ABCG4: variants seen among roughly 807,000 people sequenced by gnomAD.
ABCG4 encodes ATP binding cassette subfamily G member 4, also known as ATP-binding cassette sub-family G member 4.
In ABCG4, 35 loss-of-function variants were observed where a neutral mutation model predicts 64.6. That is an observed-to-expected ratio of 0.54 (90% CI 0.41 to 0.72). The LOEUF (loss-of-function observed/expected upper bound fraction) is 0.72. ABCG4 is among the 30% of genes least tolerant of loss of function. ABCG4 has a pLI of 0.00. For missense variants in ABCG4, 610 were observed against 846.3 expected (o/e 0.72, Z 3.46); for synonymous variants, 326 against 348.2 (o/e 0.94, Z 0.71).
At chr11:119,151,800 C>G (rs772278963) in intron 2 of ABCG4, among the ~76,000 whole-genome samples, 1 of 152,190 alleles carries the variant, frequency 6.6e-6, no homozygotes, top group Non-Finnish European at 1.5e-5. Flanking sequence ...CAGTGTCTCT[C>G]CAGCCCAAGG....
In ABCG4 at chr11:119,158,966, C is replaced by T; in HGVS notation, c.1437+37C>T. On this transcript the variant is annotated intron_variant, in intron 12 of 14. Coordinates refer to ENST00000619701, the MANE Select transcript of ABCG4 (RefSeq NM_022169.5). The surrounding 1 kb of genome is among the most constrained non-coding windows in gnomAD (Gnocchi z 4.5). ...CCTCCCACCTGCCCACTGCCTCCAT[C>T]TTGTCTTGCTCCTTCTATCCTTGCT... 6.3e-7 allele frequency: 1 copy of T among 1,586,428 alleles called. No individual in the cohort carries two copies. Among genetic ancestry groups the T allele is most frequent in the East Asian group, 2.2e-5 (1 of 44,722 alleles).
intron 12 of ABCG4, among the ~76,000 whole-genome samples, chr11:119,159,902 A>G (rs955541870): frequency 1.2e-4 from 18 of 152,000 alleles, no homozygotes; most frequent in Non-Finnish European, 2.6e-4. Context: ...TGGCTCTCCT[A>G]TGGAGAGTTA....
chr11:119,161,249 T>C lies in ABCG4; in HGVS notation c.*143T>C, dbSNP rs1948348153. ...TCCCTTGGCTCCTCCACAGGCTGGCTGTCGGACTGCGCTCCCAGCCTGGGC... is the reference window on the plus strand; with the variant it reads ...TCCCTTGGCTCCTCCACAGGCTGGCCGTCGGACTGCGCTCCCAGCCTGGGC... On this transcript the variant is annotated 3_prime_UTR_variant, in exon 15 of 15. Transcript: ENST00000619701. 1 of 735,694 alleles carries C rather than the reference T, an allele frequency of 1.4e-6. No homozygotes were observed. The highest frequency in any genetic ancestry group is 2.9e-5 in the Admixed American group (1 of 33,966). 45.6% of individuals were successfully genotyped at this position (735,694 alleles called of 1,614,324 possible). A position where few individuals can be genotyped will look rare whatever the true frequency, so the allele number is the denominator to read the frequency against.
chr11:119,155,008 T>C lies in ABCG4; in HGVS notation c.686+93T>C. 6.6e-7 allele frequency: 1 copy of C among 1,504,514 alleles called. No homozygotes were observed. Among genetic ancestry groups the C allele is most frequent in the Admixed American group, 2.1e-5 (1 of 48,488 alleles). 93.2% of individuals were successfully genotyped at this position (1,504,514 alleles called of 1,614,324 possible). On this transcript the variant is annotated intron_variant, in intron 6 of 14. Transcript: ENST00000619701. This position sits in a 1 kb window ranked among gnomAD's most constrained non-coding sequence, Gnocchi z 4.5. The stretch of plus-strand genomic sequence containing the variant: ...TGCATCTTCTCCATGATCCAGAGCC[T>C]CTGTTCACAGCCTCCTGGGGCCAAG...
Position 119,160,498 on chromosome 11 carries a change from T to C in ABCG4, c.1597-40T>C. On this transcript the variant is annotated intron_variant, in intron 13 of 14. Transcript: ENST00000619701. This position sits in a 1 kb window ranked among gnomAD's most constrained non-coding sequence, Gnocchi z 4.6. ...TCTAGGAAACCTGGGTTTGTCCTGG[T>C]CACCCCTATGATGGCCTGGCCCCCT... The C allele has an allele frequency of 6.2e-7, 1 of 1,607,964 alleles. No individual in the cohort carries two copies. The highest frequency in any genetic ancestry group is 8.5e-7 in the Non-Finnish European group (1 of 1,178,648).
chr11:119,160,899 G>A lies in ABCG4; in HGVS notation c.1734G>A (p.Val578=). Residue 578 remains valine (V), a synonymous_variant, in exon 15 of 15, where the codon GTG becomes GTA. Transcript: ENST00000619701. The surrounding 1 kb of genome is among the most constrained non-coding windows in gnomAD (Gnocchi z 4.6). ...TGCCTAGGTATGGCTTTGAGGGTGTGATCCTGACGATCTATGGCATGGAGC... is the reference window on the plus strand; with the variant it reads ...TGCCTAGGTATGGCTTTGAGGGTGTAATCCTGACGATCTATGGCATGGAGC... The part of the protein sequence containing the change: ...LSYVRYGFEG[V]ILTIYGMERG... 6.2e-7 allele frequency: 1 copy of A among 1,613,968 alleles called. No individual in the cohort carries two copies. Among genetic ancestry groups the A allele is most frequent in the Non-Finnish European group, 8.5e-7 (1 of 1,179,922 alleles).
rs753462800 is a variant in ABCG4, at chr11:119,149,933, G to A, written c.-12-21G>A. 3.1e-6 allele frequency: 5 copies of A among 1,594,390 alleles called. No homozygotes were observed. The highest frequency in any genetic ancestry group is 1.3e-5 in the African/African-American group (1 of 74,756). Reference sequence around the variant, plus strand: ...CGGGCTCGGTGGTCTGCCCCAAACTGAGCAGGCCCTCCCCTTGCAGGTCGG... The same window carrying A: ...CGGGCTCGGTGGTCTGCCCCAAACTAAGCAGGCCCTCCCCTTGCAGGTCGG... On this transcript the variant is annotated intron_variant, in intron 1 of 14. Coordinates refer to ENST00000619701, the MANE Select transcript of ABCG4 (RefSeq NM_022169.5). This position sits in a 1 kb window ranked among gnomAD's most constrained non-coding sequence, Gnocchi z 8.3.
Position 119,160,270 on chromosome 11 carries a change from C to T in ABCG4, c.1481C>T (p.Thr494Met), listed in dbSNP as rs201390504. ...TACTGCAGCATTGTGTACTGGATGA[C>T]GGGCCAGCCCGCTGAGACCAGCCGC... The part of the protein sequence containing the change: ...VVYCSIVYWM[T>M]GQPAETSRFL... The change falls in exon 13 of 15, where the codon ACG becomes ATG. Residue 494 changes from threonine (T) to methionine (M), a missense_variant. Transcript: ENST00000619701. This position sits in a 1 kb window ranked among gnomAD's most constrained non-coding sequence, Gnocchi z 4.6. 50 of 1,613,512 alleles carry T rather than the reference C, an allele frequency of 3.1e-5. No individual in the cohort carries two copies. Among genetic ancestry groups the T allele is most frequent in the African/African-American group, 1.5e-4 (11 of 74,918 alleles).
rs1454653677 is a variant in ABCG4 at position 119,161,363 on chromosome 11, ACAC to A, written c.*259_*261del. On this transcript the variant is annotated 3_prime_UTR_variant, in exon 15 of 15. Coordinates refer to ENST00000619701, the MANE Select transcript of ABCG4 (RefSeq NM_022169.5). ...TGTAGCTTCCTCCCTACTCTCTCCA[ACAC>A]CTGCATGCAAAGACTACTGGGAGGC... 5 of 415,644 alleles carry A rather than the reference ACAC, an allele frequency of 1.2e-5. No individual in the cohort carries two copies. The highest frequency in any genetic ancestry group is 1.0e-4 in the African/African-American group (5 of 49,888). 25.7% of individuals were successfully genotyped at this position (415,644 alleles called of 1,614,324 possible). A position where few individuals can be genotyped will look rare whatever the true frequency, so the allele number is the denominator to read the frequency against.
chr11:119,154,021 T>G lies in ABCG4; in HGVS notation c.239-5T>G, dbSNP rs754171693. 1.2e-6 allele frequency: 2 copies of G among 1,613,834 alleles called. No individual in the cohort carries two copies. Among genetic ancestry groups the G allele is most frequent in the Non-Finnish European group, 1.7e-6 (2 of 1,179,742 alleles). ...GACTAAAAATTCCTCCCCACCTCAC[T>G]GCAGGTTATAAGACCCTTCTCAAGT... On this transcript the variant is annotated splice_polypyrimidine_tract_variant and splice_region_variant and intron_variant, in intron 2 of 14. Coordinates refer to ENST00000619701, the MANE Select transcript of ABCG4 (RefSeq NM_022169.5). The surrounding 1 kb of genome is among the most constrained non-coding windows in gnomAD (Gnocchi z 7.0).
At chr11:119,157,894 A>C (rs892596428) in intron 9 of ABCG4, among the ~76,000 whole-genome samples, 5 of 152,132 alleles carry the variant, frequency 3.3e-5, no homozygotes, top group South Asian at 2.1e-4. Context: ...AACAAAAAAA[A>C]CCCAAAACAA....
rs754350774 is a variant in ABCG4 at position 119,158,535 on chromosome 11, C to T, written c.1168-22C>T. 3 of 1,614,040 alleles carry T rather than the reference C, an allele frequency of 1.9e-6. No homozygotes were observed. The highest frequency in any genetic ancestry group is 2.5e-6 in the Non-Finnish European group (3 of 1,179,902). On this transcript the variant is annotated intron_variant, in intron 10 of 14. Coordinates refer to ENST00000619701, the MANE Select transcript of ABCG4 (RefSeq NM_022169.5). This position sits in a 1 kb window ranked among gnomAD's most constrained non-coding sequence, Gnocchi z 4.5. Reference sequence around the variant, plus strand: ...GCCCTGGCCTGTAACACATCCCTCTCCTGGTGATGACCCCTCCCAAGGTCC... The same window carrying T: ...GCCCTGGCCTGTAACACATCCCTCTTCTGGTGATGACCCCTCCCAAGGTCC...
Position 119,156,259 on chromosome 11 carries a change from C to T in ABCG4, c.687-70C>T, listed in dbSNP as rs546308832. 1,341 of 1,604,114 alleles carry T rather than the reference C, an allele frequency of 8.4e-4. No individual in the cohort carries two copies. Among genetic ancestry groups the T allele is most frequent in the Non-Finnish European group, 9.6e-4 (1,129 of 1,173,230 alleles). On this transcript the variant is annotated intron_variant, in intron 6 of 14. Coordinates refer to ENST00000619701, the MANE Select transcript of ABCG4 (RefSeq NM_022169.5). The surrounding 1 kb of genome is among the most constrained non-coding windows in gnomAD (Gnocchi z 5.5). The stretch of plus-strand genomic sequence containing the variant: ...TTCATCCCCTTCACAGCAGCTGCCC[C>T]GCCCCAGACACTCCCTTCTTTTGGC...
chr11:119,153,101 C>T (rs984694631), intron 2 of ABCG4: 3 of 152,366 alleles, frequency 2.0e-5, no homozygotes, highest in African/African-American at 7.2e-5. Context: ...CTTTTTAATG[C>T]ATTCTATGTG....
In ABCG4 at chr11:119,155,753, GC is replaced by G. The variant is rs1194463944; in HGVS notation, c.687-574del. Reference sequence around the variant, plus strand: ...GGCCTGGTCTGAACCTACTTCTCCAGCCTCAAGTCATGTACTTTATGCTCTA... The same window carrying G: ...GGCCTGGTCTGAACCTACTTCTCCAGCTCAAGTCATGTACTTTATGCTCTA... On this transcript the variant is annotated intron_variant, in intron 6 of 14. Coordinates refer to ENST00000619701, the MANE Select transcript of ABCG4 (RefSeq NM_022169.5). This position sits in a 1 kb window ranked among gnomAD's most constrained non-coding sequence, Gnocchi z 4.5. 1.3e-5 allele frequency: 2 copies of G among 154,482 alleles called. No homozygotes were observed. The highest frequency in any genetic ancestry group is 2.9e-5 in the Non-Finnish European group (2 of 69,602). 9.6% of individuals were successfully genotyped at this position (154,482 alleles called of 1,614,324 possible). A position where few individuals can be genotyped will look rare whatever the true frequency, so the allele number is the denominator to read the frequency against.
rs1368685557 is a variant in ABCG4, at chr11:119,162,425, C to T, written c.*1319C>T. On this transcript the variant is annotated 3_prime_UTR_variant, in exon 15 of 15. Coordinates refer to ENST00000619701, the MANE Select transcript of ABCG4 (RefSeq NM_022169.5). ...CCCCTGGGCATCAGAACAGCCTGCCCTGGGCACCAGGTGGCAGACACACTC... is the reference window on the plus strand; with the variant it reads ...CCCCTGGGCATCAGAACAGCCTGCCTTGGGCACCAGGTGGCAGACACACTC... 2.6e-5 allele frequency: 4 copies of T among 152,678 alleles called. No individual in the cohort carries two copies. Among genetic ancestry groups the T allele is most frequent in the African/African-American group, 9.6e-5 (4 of 41,456 alleles). The allele number at this position is 152,678 out of a possible 1,614,324, so 9.5% of individuals were successfully genotyped here.
At position 119,160,870 on chromosome 11, in the gene ABCG4, T is replaced by C. The variant is rs1484039862; in HGVS notation, c.1716-11T>C. 6.2e-7 allele frequency: 1 copy of C among 1,611,646 alleles called. No individual in the cohort carries two copies. The highest frequency in any genetic ancestry group is 2.2e-5 in the East Asian group (1 of 44,804). On this transcript the variant is annotated splice_polypyrimidine_tract_variant and intron_variant, in intron 14 of 14. Transcript: ENST00000619701. This position sits in a 1 kb window ranked among gnomAD's most constrained non-coding sequence, Gnocchi z 4.6. ...TGTGCTGTATCCCATCTGATATCCC[T>C]GCCTGCCTAGGTATGGCTTTGAGGG...
Position 119,149,698 on chromosome 11 carries a change from T to G in ABCG4, c.-12-256T>G. On this transcript the variant is annotated intron_variant, in intron 1 of 14. Coordinates refer to ENST00000619701, the MANE Select transcript of ABCG4 (RefSeq NM_022169.5). This position sits in a 1 kb window ranked among gnomAD's most constrained non-coding sequence, Gnocchi z 8.3. ...GCTGCTGGCCTGCGGGGTAAGGAGA[T>G]TAGAGAAGCCGCCGGGAGGAAGGAG... 7 of 546,538 alleles carry G rather than the reference T, an allele frequency of 1.3e-5. No individual in the cohort carries two copies. The highest frequency in any genetic ancestry group is 1.6e-5 in the Non-Finnish European group (5 of 310,048). The allele number at this position is 546,538 out of a possible 1,614,324, so 33.9% of individuals were successfully genotyped here. A position where few individuals can be genotyped will look rare whatever the true frequency, so the allele number is the denominator to read the frequency against.
At chr11:119,152,363 T>A (rs1368064684) in intron 2 of ABCG4, among the ~76,000 whole-genome samples, 1 of 152,204 alleles carries the variant, frequency 6.6e-6, no homozygotes, top group Non-Finnish European at 1.5e-5. Context: ...GGGCAGGAGC[T>A]GCTCCCCCTT....
Sources: allele counts gnomAD v4.1 joint callset (sites outside exome capture counted in the v4.1 genomes callset), GRCh38; gene constraint gnomAD v4.1.1; non-coding constraint Gnocchi (gnomAD v3.1); transcripts MANE v1.5; gene names NCBI Gene and HGNC (gene_info 2026-07-23, HGNC 2026-07-21).